Variants in ZNF567 observed in about 807,000 individuals in gnomAD.
ZNF567 encodes zinc finger protein 567.
A neutral mutation model predicts 53.9 loss-of-function variants in ZNF567; 36 were observed. The observed-to-expected ratio is 0.67, with a 90% CI of 0.51 to 0.88. ZNF567 has a LOEUF of 0.88. ZNF567 is among the 40% of genes least tolerant of loss of function. The pLI is 0.00. For synonymous variants in ZNF567, 224 were observed against 260.4 expected, an observed-to-expected ratio of 0.86 and a Z score of 1.35; for missense variants, 619 against 764.7, an observed-to-expected ratio of 0.81 and a Z score of 2.25.
At chr19:36,726,046 T>G (rs879522121), downstream of ZNF567, among the ~76,000 whole-genome samples, 1 of 152,244 alleles carries the variant, frequency 6.6e-6, no homozygotes, top group African/African-American at 2.4e-5. Flanking sequence ...GTTCACTGAT[T>G]GCTCTGTCTC....
At chr19:36,718,412 T>C (rs1190397747) in intron 5 of ZNF567, among the ~76,000 whole-genome samples, 1 of 152,038 alleles carries the variant, frequency 6.6e-6, no homozygotes, top group Non-Finnish European at 1.5e-5. Context: ...GGCAGGAGAA[T>C]CGCTTGAACC....
At chr19:36,723,097 A>AG, downstream of ZNF567, 1 of 683,330 alleles carries the variant, frequency 1.5e-6, no homozygotes, top group Non-Finnish European at 2.7e-6. Context: ...GTGAATTTAT[A>AG]GGGGAGTTAT....
In ZNF567 at chr19:36,719,117, T is replaced by G; in HGVS notation, c.393T>G (p.Pro131=). 6.2e-7 allele frequency: 1 copy of G among 1,611,436 alleles called. No individual in the cohort carries two copies. The highest frequency in any genetic ancestry group is 8.5e-7 in the Non-Finnish European group (1 of 1,179,408). ...ACCCTGTGAATTCAAAAAATCTACC[T>G]CCTGAATATGATACTCATGGAAGGA... ...GKNPVNSKNL[P]PEYDTHGRIL... Residue 131 remains proline (P), a synonymous_variant, in exon 6 of 6, where the codon CCT becomes CCG. Transcript: ENST00000682579.
rs2040225282 is a variant in ZNF567, at chr19:36,719,706, C to CA, written c.983dup (p.Arg329GlufsTer10). The CA allele has an allele frequency of 6.2e-7, 1 of 1,614,018 alleles. No individual in the cohort carries two copies. The highest frequency in any genetic ancestry group is 1.3e-5 in the African/African-American group (1 of 74,924). On this transcript the variant is annotated frameshift_variant, in exon 6 of 6. Coordinates refer to ENST00000682579, the MANE Select transcript of ZNF567 (RefSeq NM_001322917.1). LOFTEE classifies it high-confidence loss of function. ...CCTCAAGACAGCCCTCACTGATCAT[C>CA]AGAGAACACACACAGGGGAGAAATC...
chr19:36,670,145 G>A, the ZNF567 span, among the ~76,000 whole-genome samples: 1 of 152,230 alleles, frequency 6.6e-6, no homozygotes, highest in African/African-American at 2.4e-5. Flanking sequence ...AGTCAGAGTA[G>A]GGGCTTATGG....
At position 36,721,000 on chromosome 19, in the gene ZNF567, T is replaced by C. The variant is rs926455934; in HGVS notation, c.*332T>C. 6 of 162,738 alleles carry C rather than the reference T, an allele frequency of 3.7e-5. No individual in the cohort carries two copies. The highest frequency in any genetic ancestry group is 8.0e-5 in the Non-Finnish European group (6 of 75,204). 10.1% of individuals were successfully genotyped at this position (162,738 alleles called of 1,614,324 possible). On this transcript the variant is annotated 3_prime_UTR_variant, in exon 6 of 6. Transcript: ENST00000682579. ...TAATCTCCATAAGAGAAAATATTTA[T>C]GAACTATATTTCTCATTGCACTCTG...
At chr19:36,711,237 A>AT (rs1330969110) in intron 3 of ZNF567, 1 of 152,180 alleles carries the variant, frequency 6.6e-6, no homozygotes, top group Non-Finnish European at 1.5e-5. Flanking sequence ...CACCCAGCTA[A>AT]TTTTTGTATT....
At chr19:36,679,289 C>G in the ZNF567 span, among the ~76,000 whole-genome samples, 4 of 151,926 alleles carry the variant, frequency 2.6e-5, no homozygotes, top group Admixed American at 6.6e-5. Context: ...CCATCCCCCC[C>G]AAAAAAACCA....
the ZNF567 span, among the ~76,000 whole-genome samples, chr19:36,680,459 G>T: frequency 6.6e-6 from 1 of 152,132 alleles, no homozygotes; most frequent in Non-Finnish European, 1.5e-5. Context: ...CAGTGGAATG[G>T]CTGGGTCACA....
At chr19:36,683,996 A>T (rs1328087503), upstream of ZNF567, among the ~76,000 whole-genome samples, 1 of 152,212 alleles carries the variant, frequency 6.6e-6, no homozygotes, top group African/African-American at 2.4e-5. Flanking sequence ...TTCTCAGCAA[A>T]ATATCTAAGA....
downstream of ZNF567, among the ~76,000 whole-genome samples, chr19:36,722,546 C>T (rs540075663): frequency 9.9e-5 from 15 of 152,032 alleles, no homozygotes; most frequent in East Asian, 7.8e-4. Context: ...GTGATCCATC[C>T]GCCTCAGCCT....
chr19:36,698,279 A>G (rs1026791673), intron 3 of ZNF567, among the ~76,000 whole-genome samples: 1 of 151,686 alleles, frequency 6.6e-6, no homozygotes, highest in Non-Finnish European at 1.5e-5. Context: ...GCTGCATAGT[A>G]TTTCATGGTG....
At chr19:36,668,375 C>T in the ZNF567 span, 1 of 152,302 alleles carries the variant, frequency 6.6e-6, no homozygotes, top group East Asian at 1.9e-4. Context: ...ATGTGAGAGG[C>T]CACCTGGACC....
At chr19:36,712,680 C>A (rs1388311532) in intron 4 of ZNF567, 101 bp from the exon 5 acceptor site, 4 of 1,374,724 alleles carry the variant, frequency 2.9e-6, no homozygotes, top group Non-Finnish European at 3.1e-6. Flanking sequence ...TATATTGTTA[C>A]ACAAATGGGT....
chr19:36,718,579 G>T (rs1227179386), intron 5 of ZNF567, among the ~76,000 whole-genome samples: 1 of 152,120 alleles, frequency 6.6e-6, no homozygotes, highest in African/African-American at 2.4e-5. Context: ...GCTAAACAAA[G>T]ATTTCTGCTA....
At chr19:36,713,097 C>G (rs1379267855) in intron 5 of ZNF567, among the ~76,000 whole-genome samples, 1 of 152,012 alleles carries the variant, frequency 6.6e-6, no homozygotes, top group African/African-American at 2.4e-5. Context: ...CACTTGAGGC[C>G]ACGAGTTCAG....
intron 5 of ZNF567, among the ~76,000 whole-genome samples, chr19:36,715,512 T>TAATAATA (rs1568711635): frequency 2.7e-3 from 95 of 35,190 alleles, no homozygotes; most frequent in East Asian, 5.5e-3. Flanking sequence ...TAATAATAAT[T>TAATAATA]ATTATTATTA....
At chr19:36,680,262 T>A in the ZNF567 span, among the ~76,000 whole-genome samples, 3 of 152,298 alleles carry the variant, frequency 2.0e-5, no homozygotes, top group Non-Finnish European at 2.9e-5. Flanking sequence ...ATCCCTTTAA[T>A]CTCCTCTACA....
chr19:36,690,537 G>A (rs2038545553), intron 2 of ZNF567, among the ~76,000 whole-genome samples: 1 of 152,162 alleles, frequency 6.6e-6, no homozygotes, highest in Admixed American at 6.5e-5. Context: ...GCTGCAGTGA[G>A]CCGTGATCAC....
Sources: allele counts gnomAD v4.1 joint callset (sites outside exome capture counted in the v4.1 genomes callset), GRCh38; gene constraint gnomAD v4.1.1; transcripts MANE v1.5; gene names NCBI Gene and HGNC (gene_info 2026-07-23, HGNC 2026-07-21).